AGAP4: variants seen among roughly 807,000 people sequenced by gnomAD.
The protein encoded by AGAP4 is ArfGAP with GTPase domain, ankyrin repeat and PH domain 4.
A neutral mutation model predicts 60.7 loss-of-function variants in AGAP4; 13 were observed. The ratio of observed to expected loss-of-function variants is 0.21; its 90% confidence interval spans 0.14 to 0.34. The LOEUF (loss-of-function observed/expected upper bound fraction) is 0.34, where lower values mean the gene tolerates loss of function less well. Ranked by LOEUF, AGAP4 falls within the 10% of genes least tolerant of loss-of-function variation. The probability of loss-of-function intolerance (pLI) is 1.00; values close to 1 mark genes in which losing one functional copy is unlikely to be tolerated. For missense variants in AGAP4, 169 were observed against 884.0 expected, an observed-to-expected ratio of 0.19 and a Z score of 10.26; for synonymous variants, 70 against 339.0, an observed-to-expected ratio of 0.21 and a Z score of 8.72.
upstream of AGAP4, chr10:45,847,984 T>G (rs1326402557): frequency 6.6e-5 from 67 of 1,018,288 alleles, no homozygotes; most frequent in African/African-American, 9.8e-4. Context: ...GTTCATTACT[T>G]GAAGCCATCT....
chr10:45,840,106 T>C (rs1444217797), intron 4 of AGAP4, among the ~76,000 whole-genome samples: 1 of 148,202 alleles, frequency 6.7e-6, no homozygotes, highest in Non-Finnish European at 1.5e-5. Context: ...AATGAAAAGA[T>C]CCCCAACAAG....
intron 1 of AGAP4, among the ~76,000 whole-genome samples, chr10:45,853,039 A>G (rs2059103242): frequency 6.6e-6 from 1 of 152,124 alleles, no homozygotes; most frequent in Non-Finnish European, 1.5e-5. Context: ...TTGCAAGCAT[A>G]TATGAAAAAC....
rs143658188 is a variant in AGAP4 at position 45,825,938 on chromosome 10, C to T, written c.2038G>A (p.Gly680Ser). 40 of 1,324,310 alleles carry T rather than the reference C, an allele frequency of 3.0e-5. 12 individuals are homozygous for T. The highest frequency in any genetic ancestry group is 2.7e-4 in the South Asian group (17 of 61,988). The allele number at this position is 1,324,310 out of a possible 1,614,324, so 82.0% of individuals were successfully genotyped here. A position where few individuals can be genotyped will look rare whatever the true frequency, so the allele number is the denominator to read the frequency against. Residue 680 changes from glycine to serine, a missense_variant, in exon 8 of 8, where the codon GGC (glycine) becomes AGC (serine). Transcript: ENST00000616763. Reference protein sequence around the residue: ...QECINVLLQYGCPDKCV With the variant: ...QECINVLLQYSCPDKCV ...TACTACACACACTTGTCGGGGCAGC[C>T]GTACTGCAGAAGCACGTTGATGCAC...
chr10:45,852,229 A>AC (rs1564866663), upstream of AGAP4, among the ~76,000 whole-genome samples: 10,416 of 143,510 alleles, frequency 0.073, 564 homozygotes, highest in Non-Finnish European at 0.11. Context: ...AAAAAAAAAA[A>AC]AAAAAAAAAA....
chr10:45,851,194 AAGG>A (rs2059079663), upstream of AGAP4, among the ~76,000 whole-genome samples: 1 of 152,038 alleles, frequency 6.6e-6, no homozygotes, highest in Non-Finnish European at 1.5e-5. Context: ...TGTGTATAGT[AAGG>A]AGAACTGGGA....
At chr10:45,853,534 T>G in intron 1 of AGAP4, 1 of 1,167,002 alleles carries the variant, frequency 8.6e-7, no homozygotes, top group Non-Finnish European at 1.1e-6. Context: ...CAAATACATA[T>G]GCTCAGATTT....
rs1174820110 is a variant in AGAP4 at position 45,834,674 on chromosome 10, C to CAA, written c.397-560_397-559dup. Among the ~76,000 whole-genome samples the CAA allele has an allele frequency of 9.1e-3, 139 of 15,202 alleles. 7 individuals carry two copies. The highest frequency in any genetic ancestry group is 0.018 in the African/African-American group (29 of 1,584). 10.0% of individuals were successfully genotyped at this position (15,202 alleles called of 152,430 possible). A position where few individuals can be genotyped will look rare whatever the true frequency, so the allele number is the denominator to read the frequency against. On this transcript the variant is annotated intron_variant, in intron 4 of 7. Coordinates refer to ENST00000616763, the MANE Select transcript of AGAP4 (RefSeq NM_001276343.3). ...CGGCAGACAAAGTGAGACTCCGCCT[C>CAA]AAAAAAAAAAAAAAAAAAAAAAAAG...
upstream of AGAP4, among the ~76,000 whole-genome samples, chr10:45,849,979 A>G (rs1248500936): frequency 1.3e-5 from 2 of 150,796 alleles, no homozygotes; most frequent in Non-Finnish European, 3.0e-5. Context: ...TTGCCCAGGC[A>G]GTGGCACAAT....
intron 5 of AGAP4, 87 bp from the exon 6 acceptor site, chr10:45,831,516 T>C (rs2058731636): frequency 2.6e-6 from 3 of 1,158,612 alleles, no homozygotes; most frequent in African/African-American, 1.5e-5. Flanking sequence ...GAGGAAACTC[T>C]CCTAGTGGCC....
chr10:45,851,093 GAAAA>G (rs544654262), upstream of AGAP4, among the ~76,000 whole-genome samples: 5 of 147,280 alleles, frequency 3.4e-5, no homozygotes, highest in African/African-American at 1.2e-4. Flanking sequence ...GCTAATACAT[GAAAA>G]AAAAAAGCCA....
chr10:45,830,251 C>T (rs2058710037), intron 6 of AGAP4, among the ~76,000 whole-genome samples: 1 of 145,254 alleles, frequency 6.9e-6, no homozygotes, highest in Admixed American at 6.9e-5. Flanking sequence ...CGGCTCACTG[C>T]AACCTCCACC....
intron 4 of AGAP4, among the ~76,000 whole-genome samples, chr10:45,835,030 C>T (rs2135938217): frequency 6.8e-6 from 1 of 146,424 alleles, no homozygotes. Context: ...GCCTCAGCCT[C>T]CCAAAGTACT....
chr10:45,853,756 T>C, exon 1 of AGAP4: 4 of 1,287,836 alleles, frequency 3.1e-6, no homozygotes, highest in Non-Finnish European at 4.0e-6. Flanking sequence ...GAGAAGACCT[T>C]ACAGTTCTCA....
chr10:45,830,243 G>A (rs1236517774), intron 6 of AGAP4, among the ~76,000 whole-genome samples: 4 of 145,646 alleles, frequency 2.7e-5, no homozygotes, highest in African/African-American at 7.6e-5. Context: ...CGAGATCTCG[G>A]CTCACTGCAA....
intron 1 of AGAP4, among the ~76,000 whole-genome samples, chr10:45,853,291 T>C (rs1334364029): frequency 4.6e-5 from 7 of 151,298 alleles, no homozygotes; most frequent in African/African-American, 1.7e-4. Context: ...TATGAAGTCC[T>C]GTCCCTTTAG....
At chr10:45,844,585 G>A (rs2058971330) in intron 2 of AGAP4, 191 bp from the exon 3 acceptor site, 1 of 759,194 alleles carries the variant, frequency 1.3e-6, no homozygotes, top group Non-Finnish European at 1.9e-6. Context: ...CTACTCAGGA[G>A]GCTGAGATGG....
At position 45,841,474 on chromosome 10, in the gene AGAP4, C is replaced by A. The variant is rs1476495145; in HGVS notation, c.396+179G>T. 3.4e-5 allele frequency: 19 copies of A among 553,322 alleles called. No individual in the cohort carries two copies. The East Asian group carries it at 5.7e-4, about 16-fold the overall frequency. 34.3% of individuals were successfully genotyped at this position (553,322 alleles called of 1,614,324 possible). On this transcript the variant is annotated intron_variant, in intron 4 of 7. Transcript: ENST00000616763. ...CAGAAATCTTTAAAAGGTGGACACG[C>A]TAAACTAAGCACTTTTCTGGATAAA...
chr10:45,834,765 A>C (rs2058789215), intron 4 of AGAP4, among the ~76,000 whole-genome samples: 1 of 133,172 alleles, frequency 7.5e-6, no homozygotes, highest in East Asian at 2.1e-4. Context: ...AATTTCTATT[A>C]ATTAATTAAT....
At chr10:45,847,597 C>T, upstream of AGAP4, 1 of 1,424,988 alleles carries the variant, frequency 7.0e-7, no homozygotes, top group Non-Finnish European at 9.1e-7. Context: ...AGGGTGAAGA[C>T]CAGCCGGCTT....
Sources: allele counts gnomAD v4.1 joint callset (sites outside exome capture counted in the v4.1 genomes callset), GRCh38; gene constraint gnomAD v4.1.1; transcripts MANE v1.5; gene names NCBI Gene and HGNC (gene_info 2026-07-23, HGNC 2026-07-21).